OPA1: variants seen among roughly 807,000 people sequenced by gnomAD.
The protein encoded by OPA1 is OPA1 mitochondrial dynamin like GTPase, also known as dynamin-like GTPase OPA1, mitochondrial.
A neutral mutation model predicts 152.9 loss-of-function variants in OPA1; 59 were observed. The observed-to-expected ratio is 0.39, with a 90% confidence interval of 0.31 to 0.48. The LOEUF (loss-of-function observed/expected upper bound fraction) is 0.48, where lower values mean the gene tolerates loss of function less well. Among genes scored for constraint, OPA1 ranks in the 20% least tolerant of loss-of-function variants. OPA1 has a pLI of 0.96. For synonymous variants in OPA1, 400 were observed against 389.9 expected, an observed-to-expected ratio of 1.03 and a Z score of -0.31; for missense variants, 1,008 against 1,216.8, an observed-to-expected ratio of 0.83 and a Z score of 2.55.
chr3:193,685,567 T>G (rs750181488), intron 29 of OPA1, among the ~76,000 whole-genome samples: 38 of 152,296 alleles, frequency 2.5e-4, no homozygotes, highest in Non-Finnish European at 3.1e-4. Flanking sequence ...CCGAGTGATT[T>G]TAAATGACAG....
At chr3:193,608,296 G>A (rs1349754930) in intron 1 of OPA1, among the ~76,000 whole-genome samples, 3 of 152,092 alleles carry the variant, frequency 2.0e-5, no homozygotes, top group East Asian at 1.9e-4. Flanking sequence ...TGTGACGTTA[G>A]GGTGTCAATT....
At chr3:193,643,342 G>A (rs552582462) in intron 13 of OPA1, 31 bp from the exon 14 acceptor site, 1 of 1,538,184 alleles carries the variant, frequency 6.5e-7, no homozygotes, top group South Asian at 1.1e-5. Flanking sequence ...CCAAACTTTA[G>A]CATTGTTTTA....
chr3:193,676,481 A>G lies in OPA1; in HGVS notation c.2983+9201A>G, dbSNP rs114119088. On this transcript the variant is annotated intron_variant, in intron 29 of 30. Transcript: ENST00000361510. ...CTCTGCTTTGTGTTGGAACAGAACAAACAAACAAAAAAACCTGAGTTGATA... is the reference window on the plus strand; with the variant it reads ...CTCTGCTTTGTGTTGGAACAGAACAGACAAACAAAAAAACCTGAGTTGATA... Among the ~76,000 whole-genome samples the G allele has an allele frequency of 6.0e-3, 913 of 152,300 alleles. 10 individuals are homozygous for G. The highest frequency in any genetic ancestry group is 0.021 in the African/African-American group (852 of 41,548).
At chr3:193,645,428 C>T (rs1022752820) in intron 16 of OPA1, 125 bp from the exon 17 acceptor site, 1 of 652,856 alleles carries the variant, frequency 1.5e-6, no homozygotes, top group South Asian at 2.0e-5. Context: ...ATTTTAAATG[C>T]TTTTGTGCAG....
chr3:193,666,164 A>C, intron 27 of OPA1, 132 bp from the exon 28 acceptor site: 2 of 746,198 alleles, frequency 2.7e-6, no homozygotes, highest in Non-Finnish European at 4.7e-6. Flanking sequence ...TATCTACAGT[A>C]TATGCATTAG....
chr3:193,648,379 A>G, intron 20 of OPA1: 2 of 442,562 alleles, frequency 4.5e-6, no homozygotes, highest in South Asian at 2.7e-5. Context: ...CTGAGAAGGT[A>G]ATGAATGTGC....
chr3:193,658,246 CA>C (rs10544016), intron 23 of OPA1, among the ~76,000 whole-genome samples: 5,685 of 96,492 alleles, frequency 0.059, 112 homozygotes, highest in African/African-American at 0.097. Flanking sequence ...ACTCCGTTTT[CA>C]AAAAAAAAAA....
chr3:193,657,407 A>G lies in OPA1; in HGVS notation c.2331+175A>G, dbSNP rs187673303. On this transcript the variant is annotated intron_variant, in intron 23 of 30. Coordinates refer to ENST00000361510, the MANE Select transcript of OPA1 (RefSeq NM_130837.3). The stretch of plus-strand genomic sequence containing the variant: ...CCTTTAATATTTCCCTGCCCTTCTA[A>G]AATCACCTGTTGCTGTTTCTTTCTT... Among the ~76,000 whole-genome samples the G allele has an allele frequency of 9.2e-5, 14 of 152,332 alleles. No homozygotes were observed. In the East Asian group the frequency reaches 2.7e-3, roughly 29 times the overall value.
intron 29 of OPA1, among the ~76,000 whole-genome samples, chr3:193,670,735 T>C (rs765332894): frequency 1.1e-4 from 17 of 152,198 alleles, no homozygotes; most frequent in African/African-American, 3.4e-4. Flanking sequence ...GGAGAAGATA[T>C]ACTGTGTTCA....
At chr3:193,605,924 A>G (rs1417364856) in intron 1 of OPA1, among the ~76,000 whole-genome samples, 1 of 152,224 alleles carries the variant, frequency 6.6e-6, no homozygotes, top group Non-Finnish European at 1.5e-5. Context: ...TAGATAGAGT[A>G]GCCCTGGTAT....
chr3:193,593,434 C>A (rs908121324), intron 1 of OPA1, 25 bp downstream of exon 1: 1 of 1,517,374 alleles, frequency 6.6e-7, no homozygotes, highest in Non-Finnish European at 8.9e-7. Flanking sequence ...TAATCTGGCC[C>A]CGTTAATTCT....
chr3:193,676,838 A>C (rs193138972), intron 29 of OPA1, among the ~76,000 whole-genome samples: 1 of 151,996 alleles, frequency 6.6e-6, no homozygotes, highest in Admixed American at 6.5e-5. Flanking sequence ...AAATTTAGCC[A>C]GGCGTGGTGG....
At chr3:193,673,683 G>A (rs1186389398) in intron 29 of OPA1, among the ~76,000 whole-genome samples, 1 of 152,168 alleles carries the variant, frequency 6.6e-6, no homozygotes, top group Non-Finnish European at 1.5e-5. Context: ...AGCTGGATTG[G>A]AAGTGCAACT....
chr3:193,676,990 A>G (rs1719231363), intron 29 of OPA1, among the ~76,000 whole-genome samples: 1 of 151,086 alleles, frequency 6.6e-6, no homozygotes, highest in South Asian at 2.1e-4. Context: ...AAAAAAAAAA[A>G]AAAAAAAAAA....
At chr3:193,679,103 G>A (rs1297854981) in intron 29 of OPA1, among the ~76,000 whole-genome samples, 1 of 152,126 alleles carries the variant, frequency 6.6e-6, no homozygotes, top group African/African-American at 2.4e-5. Flanking sequence ...ACACAGGGAG[G>A]GGAACAGCAT....
chr3:193,626,023 G>C, intron 6 of OPA1, 69 bp from the exon 7 acceptor site: 1 of 1,168,662 alleles, frequency 8.6e-7, no homozygotes, highest in Non-Finnish European at 1.3e-6. Context: ...CTGTTCCTTT[G>C]TTGCACCCTT....
chr3:193,630,516 T>C (rs946521789), intron 7 of OPA1, among the ~76,000 whole-genome samples: 1 of 152,220 alleles, frequency 6.6e-6, no homozygotes, highest in Non-Finnish European at 1.5e-5. Context: ...TATTAATGTC[T>C]ACCTCAATAA....
intron 21 of OPA1, among the ~76,000 whole-genome samples, chr3:193,653,399 A>G (rs1713007128): frequency 6.6e-6 from 1 of 152,098 alleles, no homozygotes; most frequent in African/African-American, 2.4e-5. Context: ...ACAGCAGGAT[A>G]TTTCTGCTAC....
intron 29 of OPA1, chr3:193,691,737 G>T: frequency 5.5e-6 from 1 of 181,592 alleles, no homozygotes. Context: ...GTTCTTAATT[G>T]GGCTTCAGAG....
Sources: gnomAD v4.1 joint callset for allele counts (sites outside exome capture counted in the v4.1 genomes callset) on GRCh38, gnomAD v4.1.1 for gene constraint, MANE v1.5 for transcripts, NCBI Gene and HGNC (gene_info 2026-07-23, HGNC 2026-07-21) for gene names.